The following ZFHX4 variants were observed in gnomAD, a reference collection of about 807,000 sequenced individuals.
ZFHX4 encodes zinc finger homeobox 4.
Under a neutral mutation model 267.6 loss-of-function variants are expected in ZFHX4, and 56 were observed. That is an observed-to-expected ratio of 0.21 (90% CI 0.17 to 0.26). ZFHX4 has a LOEUF of 0.26. Among genes scored for constraint, ZFHX4 ranks in the 10% least tolerant of loss-of-function variants. The pLI is 1.00. For synonymous variants in ZFHX4, 1,778 were observed against 1,665.6 expected (o/e 1.07, Z -1.64); for missense variants, 4,332 against 4,420.0 (o/e 0.98, Z 0.56).
rs779312398 is a variant in ZFHX4, at chr8:76,853,844, G to A, written c.6923G>A (p.Ser2308Asn). The part of the protein sequence containing the change: ...ELTNERYIRT[S>N]NMQYQCKKCN... ...ACTAATGAACGGTACATTCGAACAA[G>A]CAACATGCAGTACCAGTGTAAAAAG... Residue 2308 changes from serine (S) to asparagine (N), a missense_variant, in exon 10 of 11, where the codon AGC (serine) becomes AAC (asparagine). Physicochemically the swap from Ser to Asn is conservative, Grantham distance 46. Around this residue, in one of 7 missense-constraint regions of ZFHX4, gnomAD observed 1,648 missense variants for 1,625.0 expected, o/e 1.01. Coordinates refer to ENST00000651372, the MANE Select transcript of ZFHX4 (RefSeq NM_024721.5). 3 of 1,613,886 alleles carry A rather than the reference G, an allele frequency of 1.9e-6. No individual in the cohort carries two copies. Among genetic ancestry groups the A allele is most frequent in the South Asian group, 2.2e-5 (2 of 91,078 alleles).
chr8:76,835,225 A>ATATATATATATATGTATATATATG (rs1458712260), intron 5 of ZFHX4, among the ~76,000 whole-genome samples: 56 of 96,886 alleles, frequency 5.8e-4, no homozygotes, highest in South Asian at 1.3e-3. Flanking sequence ...ATATGTATAT[A>ATATATATATATATGTATATATATG]TATATATATA....
intron 1 of ZFHX4, among the ~76,000 whole-genome samples, chr8:76,701,785 T>C (rs1054072935): frequency 6.6e-6 from 1 of 152,140 alleles, no homozygotes; most frequent in Admixed American, 6.5e-5. Flanking sequence ...TTCCTCACTC[T>C]TTCTAATTAA....
chr8:76,694,291 T>C (rs897328734), intron 1 of ZFHX4, among the ~76,000 whole-genome samples: 3 of 152,234 alleles, frequency 2.0e-5, no homozygotes, highest in Non-Finnish European at 4.4e-5. Context: ...AACTATTGCC[T>C]CTTTCTAATT....
chr8:76,753,766 A>T (rs1809688141), intron 3 of ZFHX4, among the ~76,000 whole-genome samples: 1 of 151,364 alleles, frequency 6.6e-6, no homozygotes. Flanking sequence ...CTAGGACTAG[A>T]GGCATGCAAC....
intron 4 of ZFHX4, among the ~76,000 whole-genome samples, chr8:76,821,348 C>T (rs913590489): frequency 1.3e-5 from 2 of 152,054 alleles, no homozygotes; most frequent in African/African-American, 4.8e-5. Context: ...GTTTTTTCAT[C>T]TTCTTTTTCC....
intron 6 of ZFHX4, among the ~76,000 whole-genome samples, chr8:76,844,050 G>A (rs1812304304): frequency 6.6e-6 from 1 of 152,156 alleles, no homozygotes; most frequent in Non-Finnish European, 1.5e-5. Context: ...CGCAAGCAAT[G>A]TAAAAAGAAG....
chr8:76,843,274 A>G (rs2131918001), intron 6 of ZFHX4, among the ~76,000 whole-genome samples: 1 of 152,284 alleles, frequency 6.6e-6, no homozygotes, highest in East Asian at 1.9e-4. Flanking sequence ...GCCCTTTTTT[A>G]GGGCATCTAT....
intron 4 of ZFHX4, among the ~76,000 whole-genome samples, chr8:76,810,983 TCTCTGA>T (rs1226870554): frequency 6.6e-6 from 1 of 152,150 alleles, no homozygotes; most frequent in Admixed American, 6.6e-5. Context: ...TACTAGGCCA[TCTCTGA>T]ATGAGCCCGA....
At chr8:76,849,268 A>G (rs2131934402) in intron 7 of ZFHX4, 140 bp downstream of exon 7, 1 of 1,039,044 alleles carries the variant, frequency 9.6e-7, no homozygotes, top group Non-Finnish European at 1.4e-6. Flanking sequence ...TATTACCTCT[A>G]ATGTTCTAAA....
chr8:76,811,991 T>C (rs10097075), intron 4 of ZFHX4, among the ~76,000 whole-genome samples: 6,300 of 152,322 alleles, frequency 0.041, 210 homozygotes, highest in African/African-American at 0.091. Flanking sequence ...CAGAAAACCC[T>C]ATCAAGGTCA....
At chr8:76,774,872 A>G (rs762668537) in intron 3 of ZFHX4, among the ~76,000 whole-genome samples, 5 of 152,144 alleles carry the variant, frequency 3.3e-5, no homozygotes, top group African/African-American at 7.2e-5. Context: ...TTAACAAATT[A>G]CCTAAAACTT....
intron 3 of ZFHX4, among the ~76,000 whole-genome samples, chr8:76,723,059 C>T (rs903795086): frequency 6.6e-6 from 1 of 151,968 alleles, no homozygotes; most frequent in African/African-American, 2.4e-5. Context: ...TATGTTTTAA[C>T]TTCAATATAC....
At chr8:76,802,037 T>G (rs139952367) in intron 4 of ZFHX4, among the ~76,000 whole-genome samples, 11 of 152,266 alleles carry the variant, frequency 7.2e-5, no homozygotes, top group African/African-American at 2.6e-4. Context: ...ATAGGCATTT[T>G]AAAAGTAGAA....
intron 3 of ZFHX4, among the ~76,000 whole-genome samples, chr8:76,719,743 C>T (rs1808670363): frequency 6.6e-6 from 1 of 152,068 alleles, no homozygotes; most frequent in African/African-American, 2.4e-5. Flanking sequence ...TATTAGGTAA[C>T]CCAAACAAGT....
In ZFHX4 at chr8:76,741,660, C is replaced by T. The variant is rs1175784553; in HGVS notation, c.3093+33612C>T. 2.0e-5 allele frequency among the ~76,000 whole-genome samples: 3 copies of T among 152,158 alleles called. No homozygotes were observed. In the South Asian group the frequency reaches 6.2e-4, roughly 32 times the overall value. ...AAAGAAAGGTGCCCTGCAACCCTAC[C>T]CTGAACAGCCTGAGCAATCTGGAAG... On this transcript the variant is annotated intron_variant, in intron 3 of 10. Transcript: ENST00000651372.
chr8:76,854,196 C>A lies in ZFHX4; in HGVS notation c.7275C>A (p.Thr2425=), dbSNP rs1188401213. ...QSDPSPPSQG[T]KPALPLASTS... ...ACCCCTCTCCCCCTTCTCAAGGCAC[C>A]AAACCAGCCCTGCCATTAGCATCGA... The change falls in exon 10 of 11, where the codon ACC becomes ACA. Residue 2425 remains threonine (T), a synonymous_variant. Coordinates refer to ENST00000651372, the MANE Select transcript of ZFHX4 (RefSeq NM_024721.5). 8 of 1,567,460 alleles carry A rather than the reference C, an allele frequency of 5.1e-6. No homozygotes were observed. In the South Asian group the frequency reaches 6.9e-5, roughly 14 times the overall value.
chr8:76,864,239 G>C lies in ZFHX4; in HGVS notation c.10525G>C (p.Ala3509Pro), dbSNP rs1812965907. ...CACCACATCTACCTCGCAGTCTGCA[G>C]CTTCTTCTAATAACACCTATCCTCA... ...PNTTSTSQSA[A>P]SSNNTYPHLS... The change falls in exon 11 of 11, where the codon GCT (alanine) becomes CCT (proline). Residue 3509 changes from alanine to proline, a missense_variant. Transcript: ENST00000651372. 3 of 1,613,778 alleles carry C rather than the reference G, an allele frequency of 1.9e-6. No individual in the cohort carries two copies. The highest frequency in any genetic ancestry group is 1.3e-5 in the African/African-American group (1 of 74,916).
At chr8:76,720,502 T>G (rs1808691115) in intron 3 of ZFHX4, among the ~76,000 whole-genome samples, 1 of 152,188 alleles carries the variant, frequency 6.6e-6, no homozygotes. Flanking sequence ...TGTGGACATA[T>G]GCTCTCTTTT....
intron 3 of ZFHX4, among the ~76,000 whole-genome samples, chr8:76,723,468 AAT>A (rs1808775488): frequency 6.6e-6 from 1 of 151,992 alleles, no homozygotes; most frequent in African/African-American, 2.4e-5. Context: ...TTAATCCATG[AAT>A]ATATGTTTAT....
Sources: allele counts gnomAD v4.1 joint callset (sites outside exome capture counted in the v4.1 genomes callset), GRCh38; gene constraint gnomAD v4.1.1; regional missense constraint gnomAD v4.1.1; transcripts MANE v1.5; gene names NCBI Gene and HGNC (gene_info 2026-07-23, HGNC 2026-07-21).